Variants in SCHIP1 observed in about 807,000 individuals in gnomAD.
SCHIP1 encodes schwannomin interacting protein 1.
SCHIP1 carries 8 observed loss-of-function variants against 29.7 expected under a neutral mutation model. The ratio of observed to expected loss-of-function variants is 0.27; its 90% CI spans 0.16 to 0.49. The LOEUF is 0.49. Among genes scored for constraint, SCHIP1 ranks in the 20% least tolerant of loss-of-function variants. The pLI is 0.99. For missense variants in SCHIP1, 193 were observed against 294.6 expected, an observed-to-expected ratio of 0.66 and a Z score of 2.52; for synonymous variants, 76 against 94.9, an observed-to-expected ratio of 0.80 and a Z score of 1.16.
chr3:159,717,967 T>C, the SCHIP1 span, among the ~76,000 whole-genome samples: 1 of 152,194 alleles, frequency 6.6e-6, no homozygotes, highest in African/African-American at 2.4e-5. Context: ...TGAACACTGA[T>C]GCAAAAATCC....
chr3:159,495,581 C>T, the SCHIP1 span, among the ~76,000 whole-genome samples: 1 of 152,152 alleles, frequency 6.6e-6, no homozygotes, highest in South Asian at 2.1e-4. Flanking sequence ...AAGAGAACTA[C>T]AAACCACTGC....
At chr3:159,581,857 A>G in the SCHIP1 span, among the ~76,000 whole-genome samples, 1 of 152,208 alleles carries the variant, frequency 6.6e-6, no homozygotes, top group Non-Finnish European at 1.5e-5. Flanking sequence ...TAATGAAAAA[A>G]TTATTCTATA....
chr3:159,358,678 G>A, the SCHIP1 span, among the ~76,000 whole-genome samples: 1 of 152,128 alleles, frequency 6.6e-6, no homozygotes, highest in Non-Finnish European at 1.5e-5. Context: ...TCAAAGATAT[G>A]TGCCAAAAAC....
chr3:159,297,947 A>G, the SCHIP1 span, among the ~76,000 whole-genome samples: 1 of 152,148 alleles, frequency 6.6e-6, no homozygotes, highest in South Asian at 2.1e-4. Flanking sequence ...TCCTCAGAGT[A>G]TGCATCCCCA....
At chr3:159,337,682 A>G in the SCHIP1 span, among the ~76,000 whole-genome samples, 1 of 152,140 alleles carries the variant, frequency 6.6e-6, no homozygotes. Context: ...TGTCCTCTGT[A>G]CCATTAGGGA....
intron 1 of SCHIP1, among the ~76,000 whole-genome samples, chr3:159,842,993 ATTTCTTTCTT>A (rs1744378043): frequency 4.2e-5 from 2 of 48,074 alleles, no homozygotes; most frequent in Non-Finnish European, 9.4e-5. Context: ...CTATCCCAAT[ATTTCTTTCTT>A]TTTTTTTTTT....
the SCHIP1 span, among the ~76,000 whole-genome samples, chr3:159,719,710 G>C: frequency 6.6e-6 from 1 of 152,204 alleles, no homozygotes; most frequent in Admixed American, 6.5e-5. Context: ...AGTTAGAATG[G>C]TGATCATTAA....
At chr3:159,654,294 A>G in the SCHIP1 span, among the ~76,000 whole-genome samples, 2 of 151,950 alleles carry the variant, frequency 1.3e-5, no homozygotes, top group Non-Finnish European at 2.9e-5. Context: ...TCTCTCTCCT[A>G]TTCATCACTA....
At chr3:159,651,562 TA>T in the SCHIP1 span, among the ~76,000 whole-genome samples, 1 of 152,226 alleles carries the variant, frequency 6.6e-6, no homozygotes, top group African/African-American at 2.4e-5. Context: ...TCAATCACAT[TA>T]AAATGCATTT....
rs1365654556 is a variant in SCHIP1, at chr3:159,875,044, A to AT, written c.149+8769dup. Among the ~76,000 whole-genome samples, 6 of 148,222 alleles carry AT rather than the reference A, an allele frequency of 4.0e-5. No individual in the cohort carries two copies. The South Asian group carries it at 6.4e-4, about 16-fold the overall frequency. ...AAAAAAAAAAAAAACAAAAACTATCATTTTTTATGCCCCTCCTCTAAGGAT... is the reference window on the plus strand; with the variant it reads ...AAAAAAAAAAAAAACAAAAACTATCATTTTTTTATGCCCCTCCTCTAAGGAT... On this transcript the variant is annotated intron_variant, in intron 2 of 6. Transcript: ENST00000445224.
At chr3:159,722,095 T>C in the SCHIP1 span, 3 of 337,832 alleles carry the variant, frequency 8.9e-6, no homozygotes, top group Non-Finnish European at 1.7e-5. Context: ...CCCAGTGTCT[T>C]CCTCTTCACT....
At chr3:159,462,548 C>A in the SCHIP1 span, among the ~76,000 whole-genome samples, 6 of 151,994 alleles carry the variant, frequency 3.9e-5, no homozygotes, top group African/African-American at 1.4e-4. Flanking sequence ...TCTGACTTTT[C>A]TCTCTCCCTC....
At chr3:159,764,816 C>A in the SCHIP1 span, 33 of 1,585,006 alleles carry the variant, frequency 2.1e-5, no homozygotes, top group Non-Finnish European at 2.8e-5. The surrounding 1 kb of genome is among the most constrained non-coding windows in gnomAD (Gnocchi z 6.1). Flanking sequence ...ATGCCGCCCC[C>A]GGTGCCCAAC....
the SCHIP1 span, among the ~76,000 whole-genome samples, chr3:159,523,160 AAAAAT>A: frequency 1.3e-5 from 2 of 152,296 alleles, no homozygotes; most frequent in East Asian, 1.9e-4. Flanking sequence ...TGTATCCCTA[AAAAAT>A]AAAATAAAAT....
chr3:159,690,621 T>G, the SCHIP1 span, among the ~76,000 whole-genome samples: 1 of 152,236 alleles, frequency 6.6e-6, no homozygotes, highest in Non-Finnish European at 1.5e-5. Flanking sequence ...TTTTAGTTAT[T>G]TCTTGTCTTC....
the SCHIP1 span, among the ~76,000 whole-genome samples, chr3:159,559,072 G>A: frequency 2.0e-5 from 3 of 152,170 alleles, no homozygotes; most frequent in African/African-American, 7.2e-5. Context: ...AATGAACAAA[G>A]GAATGTCCCA....
At chr3:159,366,805 A>G in the SCHIP1 span, among the ~76,000 whole-genome samples, 2,592 of 152,296 alleles carry the variant, frequency 0.017, 91 homozygotes, top group African/African-American at 0.06. Flanking sequence ...GGACAGCAAC[A>G]TTTCAAAAGA....
chr3:159,775,198 T>C, the SCHIP1 span, among the ~76,000 whole-genome samples: 32 of 152,336 alleles, frequency 2.1e-4, no homozygotes, highest in Non-Finnish European at 4.4e-5. Flanking sequence ...TAGAAATAAA[T>C]GTCTTAGTTA....
At chr3:159,739,015 A>G in the SCHIP1 span, among the ~76,000 whole-genome samples, 2 of 152,208 alleles carry the variant, frequency 1.3e-5, no homozygotes, top group Non-Finnish European at 2.9e-5. Flanking sequence ...GGGGTGCTGC[A>G]ACCTCTCTAT....
Sources: allele counts gnomAD v4.1 joint callset (sites outside exome capture counted in the v4.1 genomes callset), GRCh38; gene constraint gnomAD v4.1.1; non-coding constraint Gnocchi (gnomAD v3.1); transcripts MANE v1.5; gene names NCBI Gene and HGNC (gene_info 2026-07-23, HGNC 2026-07-21).